TRPM3: variants seen among roughly 807,000 people sequenced by gnomAD.
The protein encoded by TRPM3 is long transient receptor potential channel 3.
Under a neutral mutation model 181.2 loss-of-function variants are expected in TRPM3, and 77 were observed. The observed-to-expected ratio is 0.42, with a 90% CI of 0.35 to 0.51. The LOEUF (loss-of-function observed/expected upper bound fraction) is 0.51, where lower values mean the gene tolerates loss of function less well. TRPM3 is among the 20% of genes least tolerant of loss of function. The pLI, the probability that TRPM3 is intolerant of heterozygous loss-of-function variation, is 0.01. For missense variants in TRPM3, 1,759 were observed against 2,196.7 expected (o/e 0.80, Z 3.98); for synonymous variants, 745 against 796.4 (o/e 0.94, Z 1.09).
intron 1 of TRPM3, among the ~76,000 whole-genome samples, chr9:71,338,876 A>G (rs1323591840): frequency 6.6e-5 from 10 of 152,184 alleles, no homozygotes. Context: ...CACCTTTTCA[A>G]TACTATTTAA....
chr9:71,029,968 T>G (rs935100180), intron 1 of TRPM3, among the ~76,000 whole-genome samples: 4 of 152,172 alleles, frequency 2.6e-5, no homozygotes, highest in Admixed American at 2.6e-4. Context: ...GGGGTCCAAG[T>G]ACGTGAAATC....
At chr9:71,180,787 T>A (rs1316475277) in intron 1 of TRPM3, among the ~76,000 whole-genome samples, 5 of 152,148 alleles carry the variant, frequency 3.3e-5, no homozygotes, top group Non-Finnish European at 7.4e-5. Context: ...TGACCCCAGT[T>A]AAATCTTCTA....
chr9:70,670,531 G>A (rs1265312938), intron 9 of TRPM3, among the ~76,000 whole-genome samples: 4 of 152,170 alleles, frequency 2.6e-5, no homozygotes, highest in Admixed American at 2.6e-4. Context: ...AGCTTAGCAT[G>A]TGCTTAACCA....
At chr9:70,619,967 G>A (rs1453988068) in intron 16 of TRPM3, 109 bp downstream of exon 16, 3 of 1,050,568 alleles carry the variant, frequency 2.9e-6, no homozygotes, top group African/African-American at 1.6e-5. Context: ...TGCATCACTG[G>A]GGTGATACTG....
intron 1 of TRPM3, among the ~76,000 whole-genome samples, chr9:70,946,595 A>G (rs1345598203): frequency 1.3e-5 from 2 of 152,126 alleles, no homozygotes; most frequent in South Asian, 2.1e-4. Context: ...AGGACTTTTT[A>G]AAGCTTTTAA....
intron 17 of TRPM3, among the ~76,000 whole-genome samples, chr9:70,617,366 G>A (rs2062945868): frequency 6.6e-6 from 1 of 152,170 alleles, no homozygotes; most frequent in South Asian, 2.1e-4. Context: ...GTATGGAGAA[G>A]GGGTATTGGT....
chr9:70,665,195 A>G (rs2061676551), intron 9 of TRPM3, among the ~76,000 whole-genome samples: 1 of 128,612 alleles, frequency 7.8e-6, no homozygotes, highest in Non-Finnish European at 1.7e-5. Context: ...GTAATTCAGC[A>G]TTGTTTGTTT....
At chr9:70,537,440 C>A in intron 25 of TRPM3, 35 bp from the exon 26 acceptor site, 1 of 1,413,032 alleles carries the variant, frequency 7.1e-7, no homozygotes. Flanking sequence ...GTCACTCGGC[C>A]TGGTTCCTCT....
At chr9:70,667,854 G>A (rs1369075755) in intron 9 of TRPM3, among the ~76,000 whole-genome samples, 2 of 152,100 alleles carry the variant, frequency 1.3e-5, no homozygotes, top group Non-Finnish European at 2.9e-5. Flanking sequence ...CATCCCATTG[G>A]TTGAAGCACA....
rs1352652047 is a variant in TRPM3 at position 71,420,827 on chromosome 9, G to GAAA, written c.183+25825_183+25826insTTT. On this transcript the variant is annotated intron_variant, in intron 1 of 24. Transcript: ENST00000357533. Reference sequence around the variant, plus strand: ...AGAGAGAAAGAAAGAGAGAAAGAGAGGGAAAGAAAGAGAGAGGAAGAGAGA... The same window carrying GAAA: ...AGAGAGAAAGAAAGAGAGAAAGAGAGAAAGGAAAGAAAGAGAGAGGAAGAGAGA... 3.8e-3 allele frequency among the ~76,000 whole-genome samples: 120 copies of GAAA among 31,334 alleles called. 47 individuals carry two copies. The highest frequency in any genetic ancestry group is 7.2e-3 in the Non-Finnish European group (101 of 14,074). The allele number at this position is 31,334 out of a possible 152,430, so 20.6% of individuals were successfully genotyped here.
chr9:70,751,686 A>G (rs1207493292), intron 8 of TRPM3, among the ~76,000 whole-genome samples: 2 of 152,192 alleles, frequency 1.3e-5, no homozygotes, highest in African/African-American at 4.8e-5. Context: ...GTAGAACCCA[A>G]TGCAGAGGGA....
chr9:71,181,249 T>A (rs556092251), intron 1 of TRPM3, among the ~76,000 whole-genome samples: 1 of 152,256 alleles, frequency 6.6e-6, no homozygotes, highest in South Asian at 2.1e-4. Flanking sequence ...CTTCTATTAC[T>A]ACAGCTCACT....
intron 1 of TRPM3, among the ~76,000 whole-genome samples, chr9:70,925,290 T>G (rs2096709816): frequency 6.6e-6 from 1 of 152,160 alleles, no homozygotes; most frequent in African/African-American, 2.4e-5. Flanking sequence ...TTGCTCAGTA[T>G]TGATGGAAAC....
intron 1 of TRPM3, among the ~76,000 whole-genome samples, chr9:71,129,159 G>T (rs771833026): frequency 6.6e-6 from 1 of 152,124 alleles, no homozygotes; most frequent in African/African-American, 2.4e-5. Context: ...ATTTATTCTG[G>T]TATCATATTT....
At chr9:70,819,155 C>T (rs1480755723) in intron 6 of TRPM3, among the ~76,000 whole-genome samples, 1 of 152,126 alleles carries the variant, frequency 6.6e-6, no homozygotes, top group Admixed American at 6.5e-5. Context: ...GGTATCTGGG[C>T]CAGGCGACTC....
chr9:71,301,495 A>C (rs2086773611), intron 1 of TRPM3, among the ~76,000 whole-genome samples: 1 of 152,214 alleles, frequency 6.6e-6, no homozygotes, highest in East Asian at 1.9e-4. Context: ...GAAGCCATAT[A>C]TACAAGACTC....
At chr9:70,774,927 A>T (rs1004074710) in intron 7 of TRPM3, 2 of 152,184 alleles carry the variant, frequency 1.3e-5, no homozygotes, top group African/African-American at 4.8e-5. Flanking sequence ...TTGAAATCCT[A>T]CTTTAATGCA....
chr9:70,581,639 G>T (rs2055707171), intron 22 of TRPM3, among the ~76,000 whole-genome samples: 1 of 152,162 alleles, frequency 6.6e-6, no homozygotes, highest in South Asian at 2.1e-4. Flanking sequence ...ATTCAGAAGG[G>T]GTGTACTCTG....
chr9:71,254,720 C>T (rs1461991327), intron 1 of TRPM3, among the ~76,000 whole-genome samples: 2 of 152,104 alleles, frequency 1.3e-5, no homozygotes, highest in Non-Finnish European at 2.9e-5. Context: ...ACCACATTAA[C>T]AAATTGGTCT....
Sources: allele counts gnomAD v4.1 joint callset (sites outside exome capture counted in the v4.1 genomes callset), GRCh38; gene constraint gnomAD v4.1.1; transcripts MANE v1.5; gene names NCBI Gene and HGNC (gene_info 2026-07-23, HGNC 2026-07-21).